Variants in FNDC3A observed in about 807,000 individuals in gnomAD.
The protein encoded by FNDC3A is fibronectin type-III domain-containing protein 3A.
Under a neutral mutation model 148.9 loss-of-function variants are expected in FNDC3A, and 32 were observed. That is an observed-to-expected ratio of 0.21 (90% CI 0.16 to 0.29). The LOEUF is 0.29. Ranked by LOEUF, FNDC3A falls within the 10% of genes least tolerant of loss-of-function variation. FNDC3A has a pLI of 1.00. For synonymous variants in FNDC3A, 472 were observed against 473.6 expected, an observed-to-expected ratio of 1.00 and a Z score of 0.04; for missense variants, 1,191 against 1,452.8, an observed-to-expected ratio of 0.82 and a Z score of 2.93.
intron 6 of FNDC3A, among the ~76,000 whole-genome samples, chr13:49,138,160 A>AT (rs1428479040): frequency 6.6e-6 from 1 of 152,184 alleles, no homozygotes; most frequent in Admixed American, 6.5e-5. Context: ...TCACTAACAA[A>AT]TTTCAAATAA....
chr13:49,017,130 G>A (rs1372868240), intron 2 of FNDC3A, among the ~76,000 whole-genome samples: 1 of 152,114 alleles, frequency 6.6e-6, no homozygotes, highest in African/African-American at 2.4e-5. Context: ...GCTTGGTGCA[G>A]AGCTGAGTTC....
intron 2 of FNDC3A, among the ~76,000 whole-genome samples, chr13:49,027,314 G>A (rs1873786965): frequency 6.6e-6 from 1 of 152,192 alleles, no homozygotes. Flanking sequence ...AGAAATGGCA[G>A]CACCAAACCG....
At chr13:49,042,034 C>T (rs1874974553) in intron 2 of FNDC3A, among the ~76,000 whole-genome samples, 1 of 151,582 alleles carries the variant, frequency 6.6e-6, no homozygotes, top group Non-Finnish European at 1.5e-5. Flanking sequence ...GTATATATAC[C>T]CTACAATTTG....
chr13:49,144,413 C>T (rs1003320002), intron 7 of FNDC3A, among the ~76,000 whole-genome samples: 4 of 152,028 alleles, frequency 2.6e-5, no homozygotes, highest in Non-Finnish European at 5.9e-5. Context: ...TTGAAAAGGA[C>T]AGAATGTTAC....
At chr13:49,075,156 T>C (rs1047832215) in intron 2 of FNDC3A, 133 bp from the exon 3 acceptor site, 2 of 488,252 alleles carry the variant, frequency 4.1e-6, no homozygotes, top group Non-Finnish European at 7.5e-6. Flanking sequence ...CAAACCAGCA[T>C]CTTAAATGTG....
chr13:49,166,530 C>T lies in FNDC3A; in HGVS notation c.978-714C>T, dbSNP rs565561178. ...GGAAGTATATAGGACCCAGCGTGAA[C>T]TCCCTCTCTTGAGCAATGTCTTGCA... is the stretch of plus-strand genomic sequence containing the variant. On this transcript the variant is annotated intron_variant, in intron 8 of 25. Coordinates refer to ENST00000492622, the MANE Select transcript of FNDC3A (RefSeq NM_001079673.2). Among the ~76,000 whole-genome samples, 8 of 152,280 alleles carry T rather than the reference C, an allele frequency of 5.3e-5. No homozygotes were observed. In the South Asian group the frequency reaches 1.5e-3, roughly 28 times the overall value.
chr13:48,988,958 A>G (rs895827718), intron 1 of FNDC3A, among the ~76,000 whole-genome samples: 1 of 152,202 alleles, frequency 6.6e-6, no homozygotes, highest in Non-Finnish European at 1.5e-5. Context: ...ATTTAAGGAA[A>G]CTACACAGGG....
At chr13:49,008,049 A>T (rs922035857) in intron 2 of FNDC3A, among the ~76,000 whole-genome samples, 1 of 152,190 alleles carries the variant, frequency 6.6e-6, no homozygotes, top group Non-Finnish European at 1.5e-5. Flanking sequence ...TAAAGTAGTT[A>T]TAGCTATGTG....
intron 2 of FNDC3A, among the ~76,000 whole-genome samples, chr13:49,071,501 A>G (rs1261671085): frequency 2.0e-5 from 3 of 152,176 alleles, no homozygotes; most frequent in Non-Finnish European, 4.4e-5. Context: ...CCAACAGTGT[A>G]AGAGCATTCT....
At chr13:49,118,659 G>A (rs561781442) in intron 4 of FNDC3A, among the ~76,000 whole-genome samples, 1 of 152,184 alleles carries the variant, frequency 6.6e-6, no homozygotes, top group African/African-American at 2.4e-5. Flanking sequence ...GGACACTCAA[G>A]CTTGATGGGG....
At position 49,207,323 on chromosome 13, in the gene FNDC3A, C is replaced by T. The variant is rs370824994; in HGVS notation, c.3525C>T (p.Ala1175=). 3.2e-5 allele frequency: 52 copies of T among 1,613,918 alleles called. No homozygotes were observed. The highest frequency in any genetic ancestry group is 5.3e-5 in the African/African-American group (4 of 74,938). ...CACTGAGTGACGAGCAGTGTGCTGC[C>T]GTCATCCTTGTGCTGTTTGCTTTCT... ...RRALSDEQCA[A]VILVLFAFFS... Residue 1175 remains alanine (A), a synonymous_variant, in exon 26 of 26, where the codon GCC becomes GCT. Coordinates refer to ENST00000492622, the MANE Select transcript of FNDC3A (RefSeq NM_001079673.2).
chr13:49,201,844 A>G lies in FNDC3A; in HGVS notation c.3032A>G (p.Gln1011Arg), dbSNP rs750806745. The change falls in exon 24 of 26, where the codon CAA becomes CGA. Residue 1011 changes from glutamine to arginine, a missense_variant. Physicochemically the swap from Gln to Arg is conservative, Grantham distance 43. This residue lies in a region of FNDC3A where 751 missense variants were observed against 944.0 expected (regional missense o/e 0.80). Transcript: ENST00000492622. ...YRGPCHTYKV[Q>R]RLNESTSYKF... Reference sequence around the variant, plus strand: ...GGACCATGTCATACATACAAAGTACAAAGACTTAATGAGTCAACATCCTAT... The same window carrying G: ...GGACCATGTCATACATACAAAGTACGAAGACTTAATGAGTCAACATCCTAT... 9 of 1,585,980 alleles carry G rather than the reference A, an allele frequency of 5.7e-6. No homozygotes were observed. The highest frequency in any genetic ancestry group is 7.7e-6 in the Non-Finnish European group (9 of 1,164,366).
intron 8 of FNDC3A, 50 bp downstream of exon 8, chr13:49,145,985 T>C (rs1882973525): frequency 7.1e-7 from 1 of 1,404,232 alleles, no homozygotes; most frequent in Non-Finnish European, 9.8e-7. Context: ...TAATGGTTTA[T>C]TATAAAGAGC....
At chr13:49,136,210 A>G in intron 5 of FNDC3A, 122 bp from the exon 6 acceptor site, 1 of 853,564 alleles carries the variant, frequency 1.2e-6, no homozygotes, top group Non-Finnish European at 1.7e-6. Context: ...TTGTTATGCA[A>G]AATTCTTTTA....
chr13:49,039,463 G>A (rs1054914524), intron 2 of FNDC3A, among the ~76,000 whole-genome samples: 1 of 151,986 alleles, frequency 6.6e-6, no homozygotes, highest in African/African-American at 2.4e-5. Context: ...CTGCTGTCCT[G>A]CTTTTTTGAA....
At chr13:49,175,057 TACA>T (rs1252820450) in intron 12 of FNDC3A, among the ~76,000 whole-genome samples, 2 of 152,216 alleles carry the variant, frequency 1.3e-5, no homozygotes, top group Non-Finnish European at 2.9e-5. Context: ...GTTTAAAAGT[TACA>T]ACATTTACAC....
At chr13:49,070,331 T>TA (rs889091306) in intron 2 of FNDC3A, among the ~76,000 whole-genome samples, 1 of 151,898 alleles carries the variant, frequency 6.6e-6, no homozygotes, top group African/African-American at 2.4e-5. Context: ...GTAGCCTCAT[T>TA]AAAAAAATAA....
chr13:49,109,051 C>T (rs1880380719), intron 3 of FNDC3A, among the ~76,000 whole-genome samples: 2 of 152,134 alleles, frequency 1.3e-5, no homozygotes, highest in South Asian at 4.1e-4. Flanking sequence ...ATAATCCTGC[C>T]TTTGCCTCGC....
At chr13:49,086,019 A>G (rs1169614594) in intron 3 of FNDC3A, among the ~76,000 whole-genome samples, 1 of 151,962 alleles carries the variant, frequency 6.6e-6, no homozygotes, top group Non-Finnish European at 1.5e-5. Flanking sequence ...AGTAGCTGGG[A>G]TTACAGGCAC....
Sources: allele counts gnomAD v4.1 joint callset (sites outside exome capture counted in the v4.1 genomes callset), GRCh38; gene constraint gnomAD v4.1.1; regional missense constraint gnomAD v4.1.1; transcripts MANE v1.5; gene names NCBI Gene and HGNC (gene_info 2026-07-23, HGNC 2026-07-21).